Variants in KIF18A observed in about 807,000 individuals in gnomAD.
KIF18A encodes the protein kinesin family member 18A.
In KIF18A, 67 loss-of-function variants were observed where a neutral mutation model predicts 103.3. That is an observed-to-expected ratio of 0.65 (90% CI 0.53 to 0.79). KIF18A has a LOEUF of 0.79. Among genes scored for constraint, KIF18A ranks in the 30% least tolerant of loss-of-function variants. The pLI, the probability that KIF18A is intolerant of heterozygous loss-of-function variation, is 0.00. For synonymous variants in KIF18A, 367 were observed against 355.5 expected (o/e 1.03, Z -0.36); for missense variants, 1,032 against 1,062.5 (o/e 0.97, Z 0.40).
In KIF18A at chr11:28,094,615, TATTG is replaced by T. The variant is rs1226352573; in HGVS notation, c.483+24_483+27del. On this transcript the variant is annotated intron_variant, in intron 3 of 16. Transcript: ENST00000263181. ...AATCATGTCAATGATTTCCCAAAAC[TATTG>T]ATTAATCTAAATTCCCAACTTACCT... 7 of 1,526,342 alleles carry T rather than the reference TATTG, an allele frequency of 4.6e-6. No individual in the cohort carries two copies. The Admixed American group carries it at 5.2e-5, about 11-fold the overall frequency. 94.5% of individuals were successfully genotyped at this position (1,526,342 alleles called of 1,614,324 possible).
chr11:28,043,894 C>T (rs1343948051), intron 13 of KIF18A, among the ~76,000 whole-genome samples: 4 of 132,360 alleles, frequency 3.0e-5, no homozygotes, highest in African/African-American at 1.2e-4. Context: ...TAATCCTGCT[C>T]TGTAAAATAA....
In KIF18A at chr11:28,093,345, A is replaced by G. The variant is rs1457922663; in HGVS notation, c.483+1298T>C. 2.6e-5 allele frequency among the ~76,000 whole-genome samples: 4 copies of G among 152,188 alleles called. No homozygotes were observed. In the East Asian group the frequency reaches 7.7e-4, roughly 29 times the overall value. ...CTAATGAAGAAATTTTTAGCAACAT[A>G]TATGATTTTAATCAATCTTTGGAAG... On this transcript the variant is annotated intron_variant, in intron 3 of 16. Coordinates refer to ENST00000263181, the MANE Select transcript of KIF18A (RefSeq NM_031217.4).
At chr11:28,058,282 T>C (rs1367842604) in intron 13 of KIF18A, among the ~76,000 whole-genome samples, 3 of 151,490 alleles carry the variant, frequency 2.0e-5, no homozygotes, top group South Asian at 2.1e-4. Context: ...AAATATGATA[T>C]GATTAATTAT....
rs1328055607 is a variant in KIF18A, at chr11:28,090,667, G to A, written c.649C>T (p.His217Tyr). Residue 217 changes from histidine (H) to tyrosine (Y), a missense_variant, in exon 5 of 17, where the codon CAT (histidine) becomes TAT (tyrosine). Transcript: ENST00000263181. ...GATGTGGCATTCATATCAGTGGGAT[G>A]TTGTGTCCTGTTTTTGTTTCCATTA... Reference protein sequence around the residue: ...LDNGNKNRTQHPTDMNATSSR... With the variant: ...LDNGNKNRTQYPTDMNATSSR... 3.1e-6 allele frequency: 5 copies of A among 1,610,898 alleles called. No homozygotes were observed. Among genetic ancestry groups the A allele is most frequent in the East Asian group, 2.2e-5 (1 of 44,708 alleles).
intron 3 of KIF18A, among the ~76,000 whole-genome samples, chr11:28,093,005 A>C (rs1359785007): frequency 6.6e-6 from 1 of 152,194 alleles, no homozygotes; most frequent in Non-Finnish European, 1.5e-5. Context: ...CACACCCCAG[A>C]CCTACTAAAT....
intron 13 of KIF18A, among the ~76,000 whole-genome samples, chr11:28,047,769 T>C (rs1435345674): frequency 6.6e-6 from 1 of 152,128 alleles, no homozygotes; most frequent in East Asian, 1.9e-4. Flanking sequence ...AAAATATGAA[T>C]AGGAGGCAAC....
rs2133560375 is a variant in KIF18A at position 28,091,463 on chromosome 11, A to G, written c.534T>C (p.Ala178=). The G allele has an allele frequency of 6.2e-7, 1 of 1,612,418 alleles. No individual in the cohort carries two copies. The highest frequency in any genetic ancestry group is 8.5e-7 in the Non-Finnish European group (1 of 1,178,594). ...CCCCTTTTTGGGTATCTTCCCGGAC[A>G]GCAAGTGGCCCTGAATTTACTAAGA... is the stretch of plus-strand genomic sequence containing the variant. The part of the protein sequence containing the change: ...RDLLVNSGPL[A]VREDTQKGVV... Residue 178 remains alanine (A), a synonymous_variant, in exon 4 of 17, where the codon GCT becomes GCC. Coordinates refer to ENST00000263181, the MANE Select transcript of KIF18A (RefSeq NM_031217.4).
chr11:28,059,772 A>T (rs1850835420), intron 12 of KIF18A, among the ~76,000 whole-genome samples: 1 of 152,092 alleles, frequency 6.6e-6, no homozygotes, highest in Non-Finnish European at 1.5e-5. Context: ...GCAAAACATA[A>T]TGTGATTTCC....
intron 12 of KIF18A, among the ~76,000 whole-genome samples, chr11:28,060,923 A>G (rs1850849221): frequency 1.3e-5 from 2 of 152,212 alleles, no homozygotes; most frequent in Non-Finnish European, 2.9e-5. Flanking sequence ...AATTGTGCAC[A>G]TTCTGTGTGA....
Position 28,090,515 on chromosome 11 carries a change from T to G in KIF18A, c.699+102A>C, listed in dbSNP as rs991708929. The stretch of plus-strand genomic sequence containing the variant: ...AAGGAAAGTACTGACAAGTGAAGTC[T>G]ACAGACAGATTTTTTTCACATGTAT... On this transcript the variant is annotated intron_variant, in intron 5 of 16. Coordinates refer to ENST00000263181, the MANE Select transcript of KIF18A (RefSeq NM_031217.4). 13 of 706,658 alleles carry G rather than the reference T, an allele frequency of 1.8e-5. No individual in the cohort carries two copies. In the African/African-American group the frequency reaches 2.3e-4, roughly 13 times the overall value. 43.8% of individuals were successfully genotyped at this position (706,658 alleles called of 1,614,324 possible).
chr11:28,057,938 T>C (rs1850802851), intron 13 of KIF18A, among the ~76,000 whole-genome samples: 1 of 152,214 alleles, frequency 6.6e-6, no homozygotes, highest in Admixed American at 6.5e-5. Flanking sequence ...CAGGTCACTA[T>C]GTGTAATGTG....
intron 16 of KIF18A, among the ~76,000 whole-genome samples, chr11:28,022,047 C>A (rs920142675): frequency 6.6e-6 from 1 of 152,076 alleles, no homozygotes; most frequent in African/African-American, 2.4e-5. Flanking sequence ...AGTTAGAAAA[C>A]TGGTTTAATA....
chr11:28,040,416 T>A (rs768372468), intron 13 of KIF18A, among the ~76,000 whole-genome samples: 5 of 151,688 alleles, frequency 3.3e-5, no homozygotes, highest in African/African-American at 4.8e-5. Flanking sequence ...GAAAACACTA[T>A]CTAACAATAT....
At chr11:28,050,121 A>AT (rs934162902) in intron 13 of KIF18A, among the ~76,000 whole-genome samples, 35 of 151,746 alleles carry the variant, frequency 2.3e-4, no homozygotes, top group East Asian at 7.8e-4. Context: ...ACCTTTTGAT[A>AT]TTTTTTCTGT....
chr11:28,098,813 A>G (rs1163713254), intron 1 of KIF18A, among the ~76,000 whole-genome samples: 1 of 152,102 alleles, frequency 6.6e-6, no homozygotes, highest in East Asian at 1.9e-4. Context: ...CTATCCAGAA[A>G]ATACTCTAGA....
chr11:28,102,949 G>T (rs1259323083), intron 1 of KIF18A, among the ~76,000 whole-genome samples: 1 of 152,144 alleles, frequency 6.6e-6, no homozygotes, highest in East Asian at 1.9e-4. Context: ...TGTTTAATAT[G>T]AAGCAGCAAA....
chr11:28,024,478 T>A (rs1456118310), intron 15 of KIF18A, among the ~76,000 whole-genome samples: 1 of 152,106 alleles, frequency 6.6e-6, no homozygotes, highest in African/African-American at 2.4e-5. Context: ...TGGCCTTGTG[T>A]TACATGATAT....
chr11:28,079,069 T>C (rs757706915), intron 9 of KIF18A, among the ~76,000 whole-genome samples: 60 of 152,056 alleles, frequency 3.9e-4, no homozygotes, highest in Non-Finnish European at 6.5e-4. Context: ...GGTTGAAATA[T>C]GAAAAACATC....
intron 11 of KIF18A, 123 bp from the exon 12 acceptor site, chr11:28,062,639 A>G: frequency 1.4e-6 from 1 of 728,014 alleles, no homozygotes; most frequent in Non-Finnish European, 2.0e-6. Flanking sequence ...TAATATGTTT[A>G]GAAACAATTT....
Sources: gnomAD v4.1 joint callset for allele counts (sites outside exome capture counted in the v4.1 genomes callset) on GRCh38, gnomAD v4.1.1 for gene constraint, MANE v1.5 for transcripts, NCBI Gene and HGNC (gene_info 2026-07-23, HGNC 2026-07-21) for gene names.